Variants in NELL1 observed in about 807,000 individuals in gnomAD.
The protein encoded by NELL1 is neural EGFL like 1.
In NELL1, 76 loss-of-function variants were observed where a neutral mutation model predicts 107.4. The ratio of observed to expected loss-of-function variants is 0.71; its 90% CI spans 0.59 to 0.86. The LOEUF (loss-of-function observed/expected upper bound fraction) is 0.86, where lower values mean the gene tolerates loss of function less well. Ranked by LOEUF, NELL1 falls within the 40% of genes least tolerant of loss-of-function variation. The probability of loss-of-function intolerance (pLI) is 0.00; values close to 1 mark genes in which losing one functional copy is unlikely to be tolerated. For synonymous variants in NELL1, 353 were observed against 341.2 expected (o/e 1.03, Z -0.38); for missense variants, 1,024 against 1,005.5 (o/e 1.02, Z -0.25).
At chr11:21,390,510 A>AAC (rs60248049) in intron 15 of NELL1, among the ~76,000 whole-genome samples, 9,659 of 142,768 alleles carry the variant, frequency 0.068, 532 homozygotes, top group African/African-American at 0.16. Context: ...TGTGTGGATG[A>AAC]ACACACACAC....
intron 15 of NELL1, among the ~76,000 whole-genome samples, chr11:21,417,960 A>G (rs1436732809): frequency 6.6e-6 from 1 of 152,126 alleles, no homozygotes; most frequent in Admixed American, 6.6e-5. Context: ...ATCACCATTA[A>G]TTTAGAGGCT....
chr11:21,243,353 A>G (rs1375222715), intron 14 of NELL1, among the ~76,000 whole-genome samples: 2 of 152,072 alleles, frequency 1.3e-5, no homozygotes, highest in Non-Finnish European at 2.9e-5. Flanking sequence ...GTTTTTGCAC[A>G]TGTAACTAGA....
At chr11:21,213,397 AAATAATTTTGAATTG>A (rs1193186106) in intron 13 of NELL1, among the ~76,000 whole-genome samples, 5 of 152,158 alleles carry the variant, frequency 3.3e-5, no homozygotes, top group African/African-American at 4.8e-5. Flanking sequence ...AGAATAGCTA[AAATAATTTTGAATTG>A]AATAATTTTG....
chr11:21,287,500 C>T (rs1849151502), intron 14 of NELL1, among the ~76,000 whole-genome samples: 1 of 152,148 alleles, frequency 6.6e-6, no homozygotes, highest in Non-Finnish European at 1.5e-5. Flanking sequence ...ATGTTCTGGC[C>T]TCATTTTCCC....
intron 3 of NELL1, among the ~76,000 whole-genome samples, chr11:20,842,860 A>G (rs1848644157): frequency 6.6e-6 from 1 of 152,228 alleles, no homozygotes; most frequent in Admixed American, 6.5e-5. Flanking sequence ...TTATTTTGAT[A>G]TGAAATATAC....
chr11:21,135,405 T>C (rs1490091676), intron 13 of NELL1, among the ~76,000 whole-genome samples: 1 of 152,164 alleles, frequency 6.6e-6, no homozygotes, highest in East Asian at 1.9e-4. Context: ...CCCAGAAAAC[T>C]GAGGAAGATG....
chr11:21,565,017 C>T (rs79177338), intron 17 of NELL1, among the ~76,000 whole-genome samples: 7,937 of 152,018 alleles, frequency 0.052, 669 homozygotes, highest in African/African-American at 0.18. Flanking sequence ...GACTTACTCA[C>T]AGGAAGAAGC....
At chr11:21,547,362 C>T (rs567888938) in intron 16 of NELL1, among the ~76,000 whole-genome samples, 23 of 151,266 alleles carry the variant, frequency 1.5e-4, no homozygotes, top group South Asian at 4.2e-4. Context: ...AGATGAAGCA[C>T]GTGCTTCATC....
intron 13 of NELL1, among the ~76,000 whole-genome samples, chr11:21,118,229 G>A (rs1340336667): frequency 6.6e-6 from 1 of 151,988 alleles, no homozygotes; most frequent in Non-Finnish European, 1.5e-5. Flanking sequence ...GCAATGGGGG[G>A]CTGTGGGAAT....
intron 13 of NELL1, among the ~76,000 whole-genome samples, chr11:21,193,744 A>C (rs1857094479): frequency 6.6e-6 from 1 of 151,884 alleles, no homozygotes. Flanking sequence ...TTTCCTTTTG[A>C]GTGACAGGGA....
intron 15 of NELL1, among the ~76,000 whole-genome samples, chr11:21,413,089 AAAC>A (rs1019837215): frequency 2.0e-5 from 3 of 152,072 alleles, no homozygotes; most frequent in Admixed American, 6.6e-5. Context: ...AAACTTTATT[AAAC>A]AACAACAACA....
At chr11:21,166,978 A>G (rs1290163401) in intron 13 of NELL1, among the ~76,000 whole-genome samples, 1 of 151,924 alleles carries the variant, frequency 6.6e-6, no homozygotes, top group African/African-American at 2.4e-5. Context: ...AACACCCTAC[A>G]CTGTATATTT....
intron 15 of NELL1, among the ~76,000 whole-genome samples, chr11:21,439,155 A>G (rs1450641515): frequency 1.3e-5 from 2 of 151,972 alleles, no homozygotes; most frequent in East Asian, 3.9e-4. Flanking sequence ...AGACAAGTCA[A>G]CTAAAAATAA....
At chr11:20,726,999 A>T (rs1360673783) in intron 2 of NELL1, among the ~76,000 whole-genome samples, 5 of 152,126 alleles carry the variant, frequency 3.3e-5, no homozygotes, top group African/African-American at 7.2e-5. Flanking sequence ...TCTATCATTG[A>T]TGGACATTTG....
At chr11:21,088,057 CTCTGTGTG>C (rs1392292271) in intron 12 of NELL1, among the ~76,000 whole-genome samples, 1 of 119,616 alleles carries the variant, frequency 8.4e-6, no homozygotes, top group Non-Finnish European at 1.8e-5. Flanking sequence ...GTCCCAGTAG[CTCTGTGTG>C]TGTGTGTGTG....
intron 14 of NELL1, among the ~76,000 whole-genome samples, chr11:21,359,294 T>G (rs1451748080): frequency 2.0e-5 from 3 of 152,230 alleles, no homozygotes; most frequent in African/African-American, 7.2e-5. Flanking sequence ...TTGACTTGTG[T>G]ATGTTAAACC....
chr11:20,890,435 A>G (rs1055672438), intron 5 of NELL1, among the ~76,000 whole-genome samples: 28 of 152,122 alleles, frequency 1.8e-4, no homozygotes, highest in African/African-American at 6.3e-4. Context: ...TGAAAACCCA[A>G]AAGGCCAGAG....
chr11:20,682,883 T>C (rs1854222720), intron 2 of NELL1, among the ~76,000 whole-genome samples: 1 of 152,052 alleles, frequency 6.6e-6, no homozygotes, highest in Non-Finnish European at 1.5e-5. Context: ...TCATTATGGG[T>C]ATTTTGAGAT....
chr11:21,101,624 G>C (rs1394357658), intron 12 of NELL1, among the ~76,000 whole-genome samples: 1 of 152,090 alleles, frequency 6.6e-6, no homozygotes. Flanking sequence ...TCTTTTGGCT[G>C]CATAAATGTC....
Sources: gnomAD v4.1 joint callset for allele counts (sites outside exome capture counted in the v4.1 genomes callset) on GRCh38, gnomAD v4.1.1 for gene constraint, MANE v1.5 for transcripts, NCBI Gene and HGNC (gene_info 2026-07-23, HGNC 2026-07-21) for gene names.